HIVEP3: variants seen among roughly 807,000 people sequenced by gnomAD.
The protein encoded by HIVEP3 is HIVEP zinc finger 3.
Under a neutral mutation model 152.8 loss-of-function variants are expected in HIVEP3, and 49 were observed. The observed-to-expected ratio is 0.32, with a 90% CI of 0.26 to 0.41. HIVEP3 has a LOEUF of 0.41. Among genes scored for constraint, HIVEP3 ranks in the 10% least tolerant of loss-of-function variants. HIVEP3 has a pLI of 1.00. For missense variants in HIVEP3, 2,790 were observed against 3,103.3 expected, an observed-to-expected ratio of 0.90 and a Z score of 2.40; for synonymous variants, 1,269 against 1,289.0, an observed-to-expected ratio of 0.98 and a Z score of 0.33.
Position 41,580,975 on chromosome 1 carries a change from G to T in HIVEP3, c.3823C>A (p.Leu1275Ile), listed in dbSNP as rs1644396176. The change falls in exon 4 of 9, where the codon CTC becomes ATC. Residue 1275 changes from leucine (L) to isoleucine (I), a missense_variant. Leu to Ile is a conservative substitution (Grantham distance 5, BLOSUM62 2). This residue lies in a region of HIVEP3 where 1,078 missense variants were observed against 1,165.3 expected (regional missense o/e 0.93). Coordinates refer to ENST00000372583, the MANE Select transcript of HIVEP3 (RefSeq NM_024503.5). ...CTGCTGTACTCTGTGCTGGGGGAGA[G>T]GCCAGCACTTCCTGTTGCCAGTGGG... ...LAPLATGSAG[L>I]SPSTEYSSDI... 1.9e-6 allele frequency: 3 copies of T among 1,590,004 alleles called. No individual in the cohort carries two copies. Among genetic ancestry groups the T allele is most frequent in the Non-Finnish European group, 2.6e-6 (3 of 1,167,766 alleles).
At chr1:41,750,586 C>CTCA (rs1241658195) in intron 1 of HIVEP3, among the ~76,000 whole-genome samples, 4 of 152,144 alleles carry the variant, frequency 2.6e-5, no homozygotes, top group Non-Finnish European at 5.9e-5. Flanking sequence ...TTCATTGCCA[C>CTCA]TCATATTCAT....
intron 7 of HIVEP3, among the ~76,000 whole-genome samples, 168 bp from the exon 8 acceptor site, chr1:41,513,918 C>T (rs143156296): frequency 0.015 from 2,228 of 152,302 alleles, 66 homozygotes; most frequent in African/African-American, 0.051. Context: ...GATATGGGAG[C>T]GCTTTGTAAA....
At chr1:41,944,455 T>C (rs1239811103) in intron 1 of HIVEP3, among the ~76,000 whole-genome samples, 1 of 152,178 alleles carries the variant, frequency 6.6e-6, no homozygotes, top group East Asian at 1.9e-4. Context: ...CATGGTACCA[T>C]GTTACCTACA....
Position 41,534,248 on chromosome 1 carries a change from C to T in HIVEP3, c.5208-9338G>A, listed in dbSNP as rs556630960. 2.2e-3 allele frequency among the ~76,000 whole-genome samples: 334 copies of T among 152,258 alleles called. 1 individual carries two copies. The highest frequency in any genetic ancestry group is 5.6e-3 in the South Asian group (27 of 4,818). On this transcript the variant is annotated intron_variant, in intron 5 of 8. Transcript: ENST00000372583. ...CACTTCATGCTTCTCCCACTACCATCGGAGCGAAGCCCTGCATTCCTTGGC... is the reference window on the plus strand; with the variant it reads ...CACTTCATGCTTCTCCCACTACCATTGGAGCGAAGCCCTGCATTCCTTGGC...
chr1:41,632,851 G>C (rs1007667958), intron 2 of HIVEP3, among the ~76,000 whole-genome samples: 6 of 152,198 alleles, frequency 3.9e-5, no homozygotes, highest in African/African-American at 1.4e-4. Flanking sequence ...TGTCCACATG[G>C]CTGGAGGTGA....
At chr1:41,928,730 A>G (rs1478993291) in intron 1 of HIVEP3, among the ~76,000 whole-genome samples, 11 of 152,144 alleles carry the variant, frequency 7.2e-5, no homozygotes, top group African/African-American at 2.7e-4. Context: ...ACAGTCCCTC[A>G]ATTTGGGTTT....
At chr1:41,636,272 C>T (rs1645272057) in intron 2 of HIVEP3, among the ~76,000 whole-genome samples, 1 of 152,064 alleles carries the variant, frequency 6.6e-6, no homozygotes, top group African/African-American at 2.4e-5. Flanking sequence ...GTGGAGAATG[C>T]CATTTTAAAT....
chr1:41,695,478 T>C (rs543052262), intron 2 of HIVEP3, among the ~76,000 whole-genome samples: 1 of 152,312 alleles, frequency 6.6e-6, no homozygotes, highest in East Asian at 1.9e-4. Flanking sequence ...CCTGGCCCAG[T>C]GTAGGCCCCA....
In HIVEP3 at chr1:41,512,803, G is replaced by A; in HGVS notation, c.6405+13C>T. On this transcript the variant is annotated intron_variant, in intron 8 of 8. Transcript: ENST00000372583. ...GGGGAGAAGCGGCCCAGCCACCAGG[G>A]GCAGGAACTCACCCACGGGGAGGCG... 3 of 1,475,066 alleles carry A rather than the reference G, an allele frequency of 2.0e-6. No homozygotes were observed. The highest frequency in any genetic ancestry group is 2.7e-6 in the Non-Finnish European group (3 of 1,108,474). The allele number at this position is 1,475,066 out of a possible 1,614,324, so 91.4% of individuals were successfully genotyped here.
chr1:41,610,458 T>G (rs1193598705), intron 3 of HIVEP3, among the ~76,000 whole-genome samples: 1 of 152,244 alleles, frequency 6.6e-6, no homozygotes, highest in African/African-American at 2.4e-5. Context: ...AAGAGAGTAC[T>G]GAGGCTGATG....
At chr1:41,641,264 A>G (rs11210508) in intron 2 of HIVEP3, among the ~76,000 whole-genome samples, 76,955 of 152,124 alleles carry the variant, frequency 0.51, 19,990 homozygotes, top group Non-Finnish European at 0.56. Context: ...GGAGTAATTC[A>G]TGCCTACTAG....
chr1:41,901,096 C>T (rs1275244707), intron 1 of HIVEP3, among the ~76,000 whole-genome samples: 2 of 151,924 alleles, frequency 1.3e-5, no homozygotes, highest in Non-Finnish European at 2.9e-5. Flanking sequence ...GAGGAATGCA[C>T]AGGACTTGGT....
intron 1 of HIVEP3, among the ~76,000 whole-genome samples, chr1:41,894,686 T>C (rs1202781971): frequency 6.6e-6 from 1 of 152,158 alleles, no homozygotes; most frequent in African/African-American, 2.4e-5. Context: ...ACACAATGTT[T>C]TCAAATATCG....
At chr1:41,526,429 C>A (rs1642913901) in intron 5 of HIVEP3, among the ~76,000 whole-genome samples, 2 of 146,498 alleles carry the variant, frequency 1.4e-5, no homozygotes, top group African/African-American at 2.5e-5. Context: ...CTCACACTCA[C>A]CCTCATACGC....
intron 1 of HIVEP3, among the ~76,000 whole-genome samples, chr1:41,946,780 A>G (rs1353102544): frequency 6.6e-6 from 1 of 152,162 alleles, no homozygotes; most frequent in Non-Finnish European, 1.5e-5. Flanking sequence ...TACCAAAGGA[A>G]GTACCCTCTT....
At chr1:41,653,448 C>T (rs185054940) in intron 2 of HIVEP3, among the ~76,000 whole-genome samples, 30 of 152,220 alleles carry the variant, frequency 2.0e-4, no homozygotes, top group South Asian at 1.0e-3. Context: ...TGTACTTGGC[C>T]ATTGGACTTT....
At chr1:41,576,056 T>G (rs1644323214) in intron 4 of HIVEP3, among the ~76,000 whole-genome samples, 1 of 152,250 alleles carries the variant, frequency 6.6e-6, no homozygotes, top group South Asian at 2.1e-4. Context: ...AGGGCCTGTC[T>G]CAGAGAAGAG....
At chr1:41,590,474 G>A (rs952817977) in intron 3 of HIVEP3, among the ~76,000 whole-genome samples, 2 of 152,218 alleles carry the variant, frequency 1.3e-5, no homozygotes, top group South Asian at 4.1e-4. Flanking sequence ...ATTTTGTCAG[G>A]AAGGAACATG....
intron 1 of HIVEP3, among the ~76,000 whole-genome samples, chr1:41,717,803 T>C (rs1261116375): frequency 1.3e-5 from 2 of 152,184 alleles, no homozygotes; most frequent in Admixed American, 6.5e-5. Context: ...ATTTCAGGCA[T>C]GGACCCTGGC....
Sources: gnomAD v4.1 joint callset for allele counts (sites outside exome capture counted in the v4.1 genomes callset) on GRCh38, gnomAD v4.1.1 for gene constraint, gnomAD v4.1.1 regional missense constraint, MANE v1.5 for transcripts, NCBI Gene and HGNC (gene_info 2026-07-23, HGNC 2026-07-21) for gene names.